SEC14L1: variants seen among roughly 807,000 people sequenced by gnomAD.
SEC14L1 encodes SEC14 like lipid binding 1, also known as SEC14-like protein 1.
SEC14L1 carries 48 observed loss-of-function variants against 85.3 expected under a neutral mutation model. That is an observed-to-expected ratio of 0.56 (90% CI 0.45 to 0.72). SEC14L1 has a LOEUF of 0.72. SEC14L1 is among the 30% of genes least tolerant of loss of function. SEC14L1 has a pLI of 0.00. For missense variants in SEC14L1, 682 were observed against 921.4 expected, an observed-to-expected ratio of 0.74 and a Z score of 3.36; for synonymous variants, 391 against 355.5, an observed-to-expected ratio of 1.10 and a Z score of -1.12.
At chr17:77,116,068 A>G (rs1972165797) in intron 3 of SEC14L1, among the ~76,000 whole-genome samples, 1 of 151,872 alleles carries the variant, frequency 6.6e-6, no homozygotes, top group Non-Finnish European at 1.5e-5. Context: ...ACAGGTGCAC[A>G]CCACCAGGTT....
chr17:77,186,310 A>G lies in SEC14L1; in HGVS notation c.64-4493A>G, dbSNP rs1015741831. On this transcript the variant is annotated intron_variant, in intron 3 of 16. Coordinates refer to ENST00000436233, the MANE Select transcript of SEC14L1 (RefSeq NM_001143998.2). ...CTGCCGCCACCTGAGGTTGCCTTGC[A>G]GTCGCACTCCTGAGTTCTTTCCTGG... is the stretch of plus-strand genomic sequence containing the variant. 3.0e-4 allele frequency among the ~76,000 whole-genome samples: 46 copies of G among 152,296 alleles called. 1 individual carries two copies. Among genetic ancestry groups the G allele is most frequent in the African/African-American group, 1.1e-3 (45 of 41,572 alleles).
intron 3 of SEC14L1, among the ~76,000 whole-genome samples, chr17:77,159,714 A>C (rs1973976123): frequency 6.6e-6 from 1 of 152,224 alleles, no homozygotes; most frequent in Admixed American, 6.5e-5. Context: ...CAGATCCAAA[A>C]GACAAGTTCC....
intron 3 of SEC14L1, among the ~76,000 whole-genome samples, chr17:77,098,670 A>G (rs987006022): frequency 6.6e-6 from 1 of 152,118 alleles, no homozygotes; most frequent in Non-Finnish European, 1.5e-5. Context: ...CACTGCAGTG[A>G]TGAAGCTGGA....
chr17:77,200,653 G>C lies in SEC14L1; in HGVS notation c.989G>C (p.Gly330Ala), dbSNP rs1976088874. 3 of 1,613,044 alleles carry C rather than the reference G, an allele frequency of 1.9e-6. No individual in the cohort carries two copies. The highest frequency in any genetic ancestry group is 2.5e-6 in the Non-Finnish European group (3 of 1,179,650). Residue 330 changes from glycine (G) to alanine (A), a missense_variant, in exon 9 of 17, where the codon GGC (glycine) becomes GCC (alanine). Around this residue, in one of 3 missense-constraint regions of SEC14L1, gnomAD observed 420 missense variants for 619.5 expected, o/e 0.68. Coordinates refer to ENST00000436233, the MANE Select transcript of SEC14L1 (RefSeq NM_001143998.2). ...PQVLQDYYAG[G>A]WHHHDKDGRP... The stretch of plus-strand genomic sequence containing the variant: ...GTCCTTCAGGATTACTACGCGGGAG[G>C]CTGGCATCATCACGACAAAGGTACC...
rs184372588 is a variant in SEC14L1, at chr17:77,146,734, G to A, written c.63+3075G>A. Among the ~76,000 whole-genome samples the A allele has an allele frequency of 2.8e-4, 42 of 151,704 alleles. 1 individual carries two copies. In the East Asian group the frequency reaches 7.2e-3, roughly 26 times the overall value. ...AACAAACACACAGACGCACACACAC[G>A]CACGTATATTCTTCCACCCTGTAGT... On this transcript the variant is annotated intron_variant, in intron 3 of 16. Transcript: ENST00000436233.
chr17:77,152,116 G>T (rs1973586610), intron 3 of SEC14L1, among the ~76,000 whole-genome samples: 1 of 152,150 alleles, frequency 6.6e-6, no homozygotes, highest in Admixed American at 6.5e-5. Context: ...GGGACTACAG[G>T]CTCACACCAC....
chr17:77,176,953 T>A (rs1974783381), intron 3 of SEC14L1, among the ~76,000 whole-genome samples: 1 of 152,226 alleles, frequency 6.6e-6, no homozygotes, highest in African/African-American at 2.4e-5. Context: ...TCTTTGGATT[T>A]TGACGATGCA....
rs1972750533 is a variant in SEC14L1 at position 77,135,090 on chromosome 17, C to G, written c.-135-7556C>G. 1.3e-5 allele frequency among the ~76,000 whole-genome samples: 2 copies of G among 152,164 alleles called. 1 individual carries two copies. The highest frequency in any genetic ancestry group is 4.1e-4 in the South Asian group (2 of 4,832). ...CCCTCTTATTACCGAAGCCCAGGAG[C>G]TATCTTATTTCTCGTTCTGTTACCC... On this transcript the variant is annotated intron_variant, in intron 3 of 19. Transcript: ENST00000392476.
intron 3 of SEC14L1, among the ~76,000 whole-genome samples, chr17:77,187,587 A>G (rs925565885): frequency 5.9e-5 from 9 of 152,154 alleles, no homozygotes; most frequent in Non-Finnish European, 8.8e-5. Context: ...CATGTTGGTC[A>G]GGATGGTCTC....
chr17:77,165,306 C>T (rs1011648612), intron 3 of SEC14L1, among the ~76,000 whole-genome samples: 2 of 152,134 alleles, frequency 1.3e-5, no homozygotes, highest in African/African-American at 4.8e-5. Context: ...GTGACACAGC[C>T]TCAGGAGGTG....
chr17:77,105,097 AAAG>A (rs1191992120), intron 3 of SEC14L1, among the ~76,000 whole-genome samples: 1 of 152,176 alleles, frequency 6.6e-6, no homozygotes, highest in African/African-American at 2.4e-5. Flanking sequence ...GAGCCTTTCC[AAAG>A]AAGGCGATCG....
At position 77,143,577 on chromosome 17, in the gene SEC14L1, G is replaced by T; in HGVS notation, c.-20G>T. On this transcript the variant is annotated 5_prime_UTR_variant, in exon 3 of 17. Coordinates refer to ENST00000436233, the MANE Select transcript of SEC14L1 (RefSeq NM_001143998.2). ...ATTTATGTTTTGCAGGTGTGAGAGG[G>T]TTGCTGTTGTATTGCAATCATGGTG... The T allele has an allele frequency of 6.2e-7, 1 of 1,608,308 alleles. No individual in the cohort carries two copies. The highest frequency in any genetic ancestry group is 8.5e-7 in the Non-Finnish European group (1 of 1,175,336).
intron 3 of SEC14L1, among the ~76,000 whole-genome samples, chr17:77,098,092 A>C (rs1971689842): frequency 6.6e-6 from 1 of 152,134 alleles, no homozygotes; most frequent in Admixed American, 6.6e-5. Flanking sequence ...CACATGGAGG[A>C]AAGTGTGGGA....
chr17:77,149,787 A>C (rs1039928436), intron 3 of SEC14L1, among the ~76,000 whole-genome samples: 2 of 151,504 alleles, frequency 1.3e-5, no homozygotes, highest in East Asian at 3.9e-4. Context: ...GTAACATGCT[A>C]TGGTCTTTCA....
chr17:77,171,336 TCA>T (rs1974514407), intron 3 of SEC14L1, among the ~76,000 whole-genome samples: 1 of 152,202 alleles, frequency 6.6e-6, no homozygotes, highest in Non-Finnish European at 1.5e-5. Context: ...GGCTCCTATT[TCA>T]TTTAACTTTT....
rs1177634266 is a variant in SEC14L1 at position 77,191,043 on chromosome 17, A to ATCCTGGAGGGAGAGGGCG, written c.214-109_214-92dup. The ATCCTGGAGGGAGAGGGCG allele has an allele frequency of 1.7e-3, 2,525 of 1,485,726 alleles. 52 individuals carry two copies. In the African/African-American group the frequency reaches 0.031, roughly 18 times the overall value. The allele number at this position is 1,485,726 out of a possible 1,614,324, so 92.0% of individuals were successfully genotyped here. A position where few individuals can be genotyped will look rare whatever the true frequency, so the allele number is the denominator to read the frequency against. On this transcript the variant is annotated intron_variant, in intron 4 of 16. Transcript: ENST00000436233. ...AGAGGGCGTCCTGGAGGGAGAGGGCATCCTGGAGGGAGAGGGCGTCCTGGA... is the reference window on the plus strand; with the variant it reads ...AGAGGGCGTCCTGGAGGGAGAGGGCATCCTGGAGGGAGAGGGCGTCCTGGAGGGAGAGGGCGTCCTGGA...
intron 13 of SEC14L1, among the ~76,000 whole-genome samples, chr17:77,208,397 G>A (rs1300195531): frequency 6.6e-6 from 1 of 152,152 alleles, no homozygotes; most frequent in Non-Finnish European, 1.5e-5. Context: ...ATTATGACAC[G>A]AAGAATTGAG....
intron 3 of SEC14L1, among the ~76,000 whole-genome samples, chr17:77,179,719 G>A (rs569324049): frequency 6.6e-6 from 1 of 152,038 alleles, no homozygotes; most frequent in African/African-American, 2.4e-5. Flanking sequence ...CTGTCGCCCA[G>A]GCTGGAGTGC....
chr17:77,166,097 T>C (rs1043754961), intron 3 of SEC14L1, among the ~76,000 whole-genome samples: 12 of 152,138 alleles, frequency 7.9e-5, no homozygotes, highest in Admixed American at 2.0e-4. Context: ...GCCACACTTA[T>C]TGAGTATTGT....
Sources: allele counts gnomAD v4.1 joint callset (sites outside exome capture counted in the v4.1 genomes callset), GRCh38; gene constraint gnomAD v4.1.1; regional missense constraint gnomAD v4.1.1; transcripts MANE v1.5; gene names NCBI Gene and HGNC (gene_info 2026-07-23, HGNC 2026-07-21).